The following PTPN12 variants were observed in gnomAD, a reference collection of about 807,000 sequenced individuals.
The protein encoded by PTPN12 is protein tyrosine phosphatase non-receptor type 12.
Under a neutral mutation model 97.6 loss-of-function variants are expected in PTPN12, and 29 were observed. The ratio of observed to expected loss-of-function variants is 0.30; its 90% CI spans 0.22 to 0.41. The LOEUF (loss-of-function observed/expected upper bound fraction) is 0.41, where lower values mean the gene tolerates loss of function less well. Ranked by LOEUF, PTPN12 falls within the 10% of genes least tolerant of loss-of-function variation. The probability of loss-of-function intolerance (pLI) is 1.00; values close to 1 mark genes in which losing one functional copy is unlikely to be tolerated. For missense variants in PTPN12, 819 were observed against 926.0 expected, an observed-to-expected ratio of 0.88 and a Z score of 1.50; for synonymous variants, 327 against 300.4, an observed-to-expected ratio of 1.09 and a Z score of -0.91.
At chr7:77,573,326 G>A (rs1395169386) in intron 2 of PTPN12, among the ~76,000 whole-genome samples, 1 of 152,172 alleles carries the variant, frequency 6.6e-6, no homozygotes, top group Non-Finnish European at 1.5e-5. Flanking sequence ...AGACTGGGAA[G>A]TCCAAGATGA....
chr7:77,618,292 A>G (rs1788820102), intron 11 of PTPN12, among the ~76,000 whole-genome samples, 188 bp from the exon 12 acceptor site: 1 of 152,044 alleles, frequency 6.6e-6, no homozygotes, highest in African/African-American at 2.4e-5. Context: ...TTTTTTTGAT[A>G]CAATCTCTCC....
At chr7:77,577,915 A>G (rs147348668) in intron 2 of PTPN12, among the ~76,000 whole-genome samples, 182 of 152,332 alleles carry the variant, frequency 1.2e-3, no homozygotes, top group African/African-American at 4.1e-3. Flanking sequence ...GATAGATGAA[A>G]TAAGATTGGC....
chr7:77,587,853 G>A (rs918421351), intron 5 of PTPN12, among the ~76,000 whole-genome samples: 3 of 152,172 alleles, frequency 2.0e-5, no homozygotes, highest in African/African-American at 2.4e-5. Context: ...GCTTCATCTC[G>A]CACTTTTATG....
intron 2 of PTPN12, among the ~76,000 whole-genome samples, chr7:77,576,753 C>T (rs898529047): frequency 3.9e-5 from 6 of 152,202 alleles, no homozygotes; most frequent in Non-Finnish European, 8.8e-5. Flanking sequence ...TTCTTTCTCG[C>T]TACTTCTAGT....
chr7:77,617,770 G>A (rs918189838), intron 11 of PTPN12, among the ~76,000 whole-genome samples: 1 of 150,784 alleles, frequency 6.6e-6, no homozygotes, highest in Non-Finnish European at 1.5e-5. Context: ...TCATTTCACC[G>A]CTCCCCTATT....
chr7:77,637,944 AATTTTTT>A (rs1206864732), intron 16 of PTPN12, among the ~76,000 whole-genome samples: 9 of 89,506 alleles, frequency 1.0e-4, no homozygotes, highest in South Asian at 8.5e-4. Flanking sequence ...GATTTCTTAA[AATTTTTT>A]TTTTTTTTTT....
chr7:77,537,362 A>G lies in PTPN12; in HGVS notation c.-185A>G, dbSNP rs1406622029. On this transcript the variant is annotated 5_prime_UTR_variant, in exon 1 of 18. Coordinates refer to ENST00000248594, the MANE Select transcript of PTPN12 (RefSeq NM_002835.4). ...TGCTCCTGGAAGTTGTGGTGTCGGGAGCCCAGCCGGTGCCGCCGCAGCCGC... is the reference window on the plus strand; with the variant it reads ...TGCTCCTGGAAGTTGTGGTGTCGGGGGCCCAGCCGGTGCCGCCGCAGCCGC... 23 of 674,662 alleles carry G rather than the reference A, an allele frequency of 3.4e-5. No individual in the cohort carries two copies. Among genetic ancestry groups the G allele is most frequent in the Non-Finnish European group, 4.7e-5 (22 of 469,506 alleles). The allele number at this position is 674,662 out of a possible 1,614,324, so 41.8% of individuals were successfully genotyped here. A position where few individuals can be genotyped will look rare whatever the true frequency, so the allele number is the denominator to read the frequency against.
chr7:77,617,161 T>C (rs1788781820), intron 11 of PTPN12, among the ~76,000 whole-genome samples: 1 of 152,174 alleles, frequency 6.6e-6, no homozygotes, highest in African/African-American at 2.4e-5. Context: ...CCAAAAGTCC[T>C]GATTTGCGTG....
rs139289279 is a variant in PTPN12 at position 77,625,468 on chromosome 7, G to GCTCTCTCTCTCTCTCTCTCT, written c.1026-1234_1026-1233insTCTCTCTCTCTCTCTCTCTC. ...AGGGTTTTGCCATATTGCCCAGGCT[G>GCTCTCTCTCTCTCTCTCTCT]CTCGCTCTCTCTCTCTCTCTCTCTC... On this transcript the variant is annotated intron_variant, in intron 12 of 17. Coordinates refer to ENST00000248594, the MANE Select transcript of PTPN12 (RefSeq NM_002835.4). Among the ~76,000 whole-genome samples, 18 of 24,754 alleles carry GCTCTCTCTCTCTCTCTCTCT rather than the reference G, an allele frequency of 7.3e-4. 1 individual carries two copies. Among genetic ancestry groups the GCTCTCTCTCTCTCTCTCTCT allele is most frequent in the African/African-American group, 3.2e-3 (13 of 4,056 alleles). 16.2% of individuals were successfully genotyped at this position (24,754 alleles called of 152,430 possible).
intron 12 of PTPN12, among the ~76,000 whole-genome samples, chr7:77,619,758 A>G (rs1788870486): frequency 6.6e-6 from 1 of 152,218 alleles, no homozygotes; most frequent in African/African-American, 2.4e-5. Context: ...TGCCCGGCCT[A>G]TAGTAACAGA....
intron 16 of PTPN12, 51 bp downstream of exon 16, chr7:77,637,099 AT>A (rs1789621255): frequency 7.2e-7 from 1 of 1,396,644 alleles, no homozygotes; most frequent in Non-Finnish European, 1.0e-6. Flanking sequence ...TTATTGATTA[AT>A]TTCTACAAAA....
At chr7:77,583,755 AT>A (rs1402295991) in intron 4 of PTPN12, 105 bp downstream of exon 4, 1 of 674,512 alleles carries the variant, frequency 1.5e-6, no homozygotes, top group Non-Finnish European at 2.3e-6. Flanking sequence ...ATCCATAATT[AT>A]GTTTACTTAT....
chr7:77,618,633 C>A, intron 12 of PTPN12, 68 bp downstream of exon 12: 3 of 1,066,544 alleles, frequency 2.8e-6, no homozygotes, highest in Non-Finnish European at 2.8e-6. Context: ...ATTAAAATGA[C>A]AAATTCTGAA....
chr7:77,597,927 T>C lies in PTPN12; in HGVS notation c.552+26T>C, dbSNP rs916766545. The C allele has an allele frequency of 3.7e-6, 6 of 1,606,188 alleles. No homozygotes were observed. In the Admixed American group the frequency reaches 6.8e-5, roughly 18 times the overall value. Reference sequence around the variant, plus strand: ...GTAGGTACTTACCATTTATAGACTATCTGTAAGAATAGTTTTCAGGCTGGG... The same window carrying C: ...GTAGGTACTTACCATTTATAGACTACCTGTAAGAATAGTTTTCAGGCTGGG... On this transcript the variant is annotated intron_variant, in intron 7 of 17. Transcript: ENST00000248594.
At chr7:77,608,338 T>C (rs1007846528) in intron 9 of PTPN12, among the ~76,000 whole-genome samples, 3 of 152,250 alleles carry the variant, frequency 2.0e-5, no homozygotes, top group Admixed American at 1.3e-4. Flanking sequence ...AAATTGTAAG[T>C]ACTCAGTTTA....
At chr7:77,561,825 T>C (rs1353767489) in intron 1 of PTPN12, among the ~76,000 whole-genome samples, 1 of 152,102 alleles carries the variant, frequency 6.6e-6, no homozygotes, top group Non-Finnish European at 1.5e-5. Flanking sequence ...AGAGTCTTGC[T>C]CTGTCGCCCA....
chr7:77,573,105 C>CAAAAAAAAAACAAAAA (rs1188949235), intron 2 of PTPN12, among the ~76,000 whole-genome samples: 1 of 47,844 alleles, frequency 2.1e-5, no homozygotes, highest in Non-Finnish European at 3.7e-5. Flanking sequence ...AACAAAAAAA[C>CAAAAAAAAAACAAAAA]AAAAAAAACC....
chr7:77,623,263 AC>A (rs1239860619), intron 12 of PTPN12, among the ~76,000 whole-genome samples: 3 of 152,200 alleles, frequency 2.0e-5, no homozygotes, highest in Non-Finnish European at 4.4e-5. Context: ...CTTTGAAAAT[AC>A]TCGATTAACA....
At chr7:77,564,843 C>T (rs753690743) in intron 1 of PTPN12, among the ~76,000 whole-genome samples, 25 of 140,494 alleles carry the variant, frequency 1.8e-4, no homozygotes, top group Non-Finnish European at 2.7e-4. Context: ...CTGCAACCTC[C>T]GCCTTACTGG....
Sources: allele counts gnomAD v4.1 joint callset (sites outside exome capture counted in the v4.1 genomes callset), GRCh38; gene constraint gnomAD v4.1.1; transcripts MANE v1.5; gene names NCBI Gene and HGNC (gene_info 2026-07-23, HGNC 2026-07-21).